Variants in FKBP5 observed in about 807,000 individuals in gnomAD.
FKBP5 encodes the protein peptidyl-prolyl cis-trans isomerase FKBP5.
Under a neutral mutation model 50.5 loss-of-function variants are expected in FKBP5, and 23 were observed. The ratio of observed to expected loss-of-function variants is 0.46; its 90% CI spans 0.33 to 0.65. The LOEUF is 0.65. Ranked by LOEUF, FKBP5 falls within the 30% of genes least tolerant of loss-of-function variation. The pLI is 0.02. For synonymous variants in FKBP5, 176 were observed against 190.6 expected (o/e 0.92, Z 0.63); for missense variants, 411 against 553.1 (o/e 0.74, Z 2.58).
At chr6:35,580,417 T>G in intron 8 of FKBP5, 196 bp from the exon 9 acceptor site, 1 of 548,862 alleles carries the variant, frequency 1.8e-6, no homozygotes, top group Non-Finnish European at 3.2e-6. Flanking sequence ...TTTGGGGCAG[T>G]GCCTGAGCAC....
At chr6:35,716,160 C>T (rs1422384148) in intron 2 of FKBP5, among the ~76,000 whole-genome samples, 1 of 151,996 alleles carries the variant, frequency 6.6e-6, no homozygotes, top group East Asian at 1.9e-4. Context: ...TTGCTTGAGG[C>T]CAGGAGTTCG....
chr6:35,651,676 C>CT lies in FKBP5; in HGVS notation c.-19-8834_-19-8833insA, dbSNP rs142162900. The CT allele has an allele frequency of 1.9e-3, 294 of 157,454 alleles. 3 individuals carry two copies. In the East Asian group the frequency reaches 0.04, roughly 21 times the overall value. 9.8% of individuals were successfully genotyped at this position (157,454 alleles called of 1,614,324 possible). A position where few individuals can be genotyped will look rare whatever the true frequency, so the allele number is the denominator to read the frequency against. ...GTTGAGCATTCCTAATTGGAAAAAT[C>CT]CGAAATCCAAGATGCTCCAAACTCT... On this transcript the variant is annotated intron_variant, in intron 1 of 10. Transcript: ENST00000357266.
intron 5 of FKBP5, among the ~76,000 whole-genome samples, chr6:35,601,801 A>G (rs1318151027): frequency 6.6e-6 from 1 of 152,188 alleles, no homozygotes; most frequent in South Asian, 2.1e-4. Context: ...AAAGAGAATA[A>G]AAGTACATAC....
Position 35,687,096 on chromosome 6 carries a change from A to G in FKBP5, c.-20+1708T>C, listed in dbSNP as rs150528838. 6.6e-5 allele frequency among the ~76,000 whole-genome samples: 10 copies of G among 152,356 alleles called. No individual in the cohort carries two copies. In the East Asian group the frequency reaches 1.9e-3, roughly 29 times the overall value. On this transcript the variant is annotated intron_variant, in intron 1 of 10. Transcript: ENST00000357266. ...GTAAAATGACCATTCAATGAATAAT[A>G]AACTAGCATAATTAAATCAAGATTA...
chr6:35,663,278 T>A (rs571022181), intron 1 of FKBP5, among the ~76,000 whole-genome samples: 13 of 152,304 alleles, frequency 8.5e-5, no homozygotes, highest in African/African-American at 2.2e-4. Flanking sequence ...CTGCATGTGA[T>A]CCCACTTGGC....
At chr6:35,590,316 G>A (rs1007159327) in intron 7 of FKBP5, among the ~76,000 whole-genome samples, 1 of 151,710 alleles carries the variant, frequency 6.6e-6, no homozygotes, top group Non-Finnish European at 1.5e-5. Flanking sequence ...AAAAAAAGTT[G>A]AATGTACAGA....
chr6:35,600,360 G>A (rs1763108168), intron 5 of FKBP5, among the ~76,000 whole-genome samples: 1 of 151,898 alleles, frequency 6.6e-6, no homozygotes, highest in Non-Finnish European at 1.5e-5. Context: ...CCAGGCTGCA[G>A]TGAGTTGTTA....
chr6:35,711,717 A>G (rs1228285912), intron 2 of FKBP5, among the ~76,000 whole-genome samples: 1 of 152,196 alleles, frequency 6.6e-6, no homozygotes, highest in Non-Finnish European at 1.5e-5. Context: ...ATATTGTGAT[A>G]GACATTACAC....
chr6:35,625,474 C>T (rs1011644189), intron 3 of FKBP5, among the ~76,000 whole-genome samples: 2 of 151,646 alleles, frequency 1.3e-5, no homozygotes, highest in Non-Finnish European at 2.9e-5. Flanking sequence ...CAGTGGCTCA[C>T]GCCTGTAATC....
intron 1 of FKBP5, among the ~76,000 whole-genome samples, chr6:35,665,293 CTTT>C (rs370647403): frequency 2.8e-5 from 4 of 142,770 alleles, no homozygotes; most frequent in Non-Finnish European, 3.1e-5. Flanking sequence ...AAATGCTCCT[CTTT>C]TTTTTTTTTT....
intron 4 of FKBP5, among the ~76,000 whole-genome samples, 170 bp from the exon 5 acceptor site, chr6:35,619,380 C>G (rs1056198521): frequency 3.3e-5 from 5 of 150,636 alleles, no homozygotes; most frequent in African/African-American, 1.2e-4. Flanking sequence ...AAAAAAAACC[C>G]ACTATACTTT....
intron 8 of FKBP5, chr6:35,581,327 C>CT (rs1203760626): frequency 1.0e-5 from 4 of 384,234 alleles, no homozygotes; most frequent in Non-Finnish European, 1.1e-5. Flanking sequence ...ACGCTGGGGG[C>CT]TGAGCACAGT....
chr6:35,696,060 G>T (rs2151017267), intron 2 of FKBP5, among the ~76,000 whole-genome samples: 1 of 150,684 alleles, frequency 6.6e-6, no homozygotes, highest in South Asian at 2.1e-4. Flanking sequence ...CAGGAGAATG[G>T]AGTGAACCCA....
chr6:35,589,473 C>A (rs1762746443), intron 7 of FKBP5, among the ~76,000 whole-genome samples: 1 of 152,026 alleles, frequency 6.6e-6, no homozygotes, highest in South Asian at 2.1e-4. Flanking sequence ...AATCACATTG[C>A]CCCAAACAAC....
chr6:35,658,723 C>T (rs4711425), intron 1 of FKBP5, among the ~76,000 whole-genome samples: 33,322 of 44,616 alleles, frequency 0.75, 15,395 homozygotes, highest in African/African-American at 0.95. Flanking sequence ...TATTTGGTCA[C>T]TGTATTTTAT....
intron 3 of FKBP5, among the ~76,000 whole-genome samples, chr6:35,621,186 T>G (rs181435555): frequency 7.9e-5 from 12 of 152,356 alleles, no homozygotes; most frequent in Non-Finnish European, 1.0e-4. Context: ...TAAGTTAAAT[T>G]TACTGCTCAA....
intron 2 of FKBP5, among the ~76,000 whole-genome samples, chr6:35,705,773 T>G (rs1766303041): frequency 6.6e-6 from 1 of 151,994 alleles, no homozygotes; most frequent in South Asian, 2.1e-4. Context: ...TCCAGATGAA[T>G]CAAAGATCTG....
At chr6:35,633,328 A>C (rs2150984829) in intron 3 of FKBP5, among the ~76,000 whole-genome samples, 1 of 152,268 alleles carries the variant, frequency 6.6e-6, no homozygotes, top group South Asian at 2.1e-4. Flanking sequence ...GGATCACCTG[A>C]GCTCAAAAGT....
chr6:35,667,019 CTGTGTGTGTGTGTGTG>C (rs35407744), intron 1 of FKBP5, among the ~76,000 whole-genome samples: 111 of 148,896 alleles, frequency 7.5e-4, no homozygotes, highest in African/African-American at 2.3e-3. Context: ...GTGTGTGTGT[CTGTGTGTGTGTGTGTG>C]TGTGTGTGTG....
Sources: gnomAD v4.1 joint callset for allele counts (sites outside exome capture counted in the v4.1 genomes callset) on GRCh38, gnomAD v4.1.1 for gene constraint, MANE v1.5 for transcripts, NCBI Gene and HGNC (gene_info 2026-07-23, HGNC 2026-07-21) for gene names.